GALNT2: variants seen among roughly 807,000 people sequenced by gnomAD.
GALNT2 encodes the protein polypeptide N-acetylgalactosaminyltransferase 2, also known as UDP-GalNAc:polypeptide N-acetylgalactosaminyltransferase 2.
GALNT2 carries 31 observed loss-of-function variants against 81.4 expected under a neutral mutation model. The observed-to-expected ratio is 0.38, with a 90% CI of 0.29 to 0.51. The LOEUF (loss-of-function observed/expected upper bound fraction) is 0.51, where lower values mean the gene tolerates loss of function less well. GALNT2 is among the 20% of genes least tolerant of loss of function. The probability of loss-of-function intolerance (pLI) is 0.87; values close to 1 mark genes in which losing one functional copy is unlikely to be tolerated. For missense variants in GALNT2, 629 were observed against 765.7 expected (o/e 0.82, Z 2.11); for synonymous variants, 303 against 287.4 (o/e 1.05, Z -0.55).
intron 3 of GALNT2, among the ~76,000 whole-genome samples, chr1:230,204,871 C>T (rs561559708): frequency 1.3e-5 from 2 of 152,322 alleles, no homozygotes; most frequent in African/African-American, 4.8e-5. Flanking sequence ...TGGTCCCATT[C>T]CAGCTGCTAG....
At chr1:230,160,011 A>AGGTGCTTCCCTCCTCCCC (rs1294285475) in intron 1 of GALNT2, among the ~76,000 whole-genome samples, 1 of 152,120 alleles carries the variant, frequency 6.6e-6, no homozygotes, top group Non-Finnish European at 1.5e-5. Flanking sequence ...CGCACCACCC[A>AGGTGCTTCCCTCCTCCCC]GGTGCTTCCC....
At chr1:230,124,061 T>C (rs1201014724) in intron 1 of GALNT2, among the ~76,000 whole-genome samples, 1 of 152,232 alleles carries the variant, frequency 6.6e-6, no homozygotes, top group Non-Finnish European at 1.5e-5. Flanking sequence ...TATGACTCCC[T>C]GTCCTTTGGA....
rs1252177179 is a variant in GALNT2 at position 230,227,424 on chromosome 1, C to CTAATACAGCTATATATATATATGCTATA, written c.375-8556_375-8529dup. On this transcript the variant is annotated intron_variant, in intron 3 of 15. Coordinates refer to ENST00000366672, the MANE Select transcript of GALNT2 (RefSeq NM_004481.5). ...AATCCTAAACCAAATACTAGCAAATCTAATACAGCTATATATATATATGCT... is the reference window on the plus strand; with the variant it reads ...AATCCTAAACCAAATACTAGCAAATCTAATACAGCTATATATATATATGCTATATAATACAGCTATATATATATATGCT... Among the ~76,000 whole-genome samples, 111 of 150,008 alleles carry CTAATACAGCTATATATATATATGCTATA rather than the reference C, an allele frequency of 7.4e-4. 1 individual carries two copies. Among genetic ancestry groups the CTAATACAGCTATATATATATATGCTATA allele is most frequent in the African/African-American group, 2.1e-3 (85 of 40,826 alleles).
chr1:230,222,833 T>C (rs2102724028), intron 3 of GALNT2, among the ~76,000 whole-genome samples: 1 of 152,312 alleles, frequency 6.6e-6, no homozygotes, highest in South Asian at 2.1e-4. Flanking sequence ...TTGTTATTGT[T>C]ACTAAGATTT....
At chr1:230,137,408 T>A (rs577662297) in intron 1 of GALNT2, among the ~76,000 whole-genome samples, 1 of 152,298 alleles carries the variant, frequency 6.6e-6, no homozygotes, top group Admixed American at 6.5e-5. Context: ...GAGGTGCCCA[T>A]GGTCAGAGAG....
chr1:230,189,511 C>A (rs193077826), intron 2 of GALNT2, among the ~76,000 whole-genome samples: 3 of 152,266 alleles, frequency 2.0e-5, no homozygotes, highest in African/African-American at 7.2e-5. Context: ...TCCCACCTGC[C>A]GGAAGAAAGA....
chr1:230,065,386 C>G (rs1295104007), upstream of GALNT2, among the ~76,000 whole-genome samples: 1 of 151,976 alleles, frequency 6.6e-6, no homozygotes, highest in Non-Finnish European at 1.5e-5. Flanking sequence ...TAATTTTTGT[C>G]TAGTCTGTCT....
At chr1:230,250,902 G>T (rs1373539220) in intron 10 of GALNT2, among the ~76,000 whole-genome samples, 1 of 152,212 alleles carries the variant, frequency 6.6e-6, no homozygotes, top group African/African-American at 2.4e-5. Context: ...ATGCTGAGTG[G>T]TGGAGAGTGG....
At chr1:230,107,961 G>A (rs921308769) in intron 1 of GALNT2, among the ~76,000 whole-genome samples, 4 of 152,292 alleles carry the variant, frequency 2.6e-5, no homozygotes, top group East Asian at 1.9e-4. Flanking sequence ...ATTTCTGTGC[G>A]GGTGCAGACA....
rs188547018 is a variant in GALNT2 at position 230,059,833 on chromosome 1, C to T, written n.89+1755C>T. Among the ~76,000 whole-genome samples the T allele has an allele frequency of 1.5e-3, 235 of 152,170 alleles. 1 individual carries two copies. The highest frequency in any genetic ancestry group is 5.5e-3 in the African/African-American group (228 of 41,502). Reference sequence around the variant, plus strand: ...TTTCTTGAATCTTTTGAAAGCAGCTCGTGTATGTCATGCCCCCTTAACCCT... The same window carrying T: ...TTTCTTGAATCTTTTGAAAGCAGCTTGTGTATGTCATGCCCCCTTAACCCT... On this transcript the variant is annotated intron_variant and non_coding_transcript_variant, in intron 1 of 6. Transcript: ENST00000494106.
At chr1:230,141,689 A>T (rs542322530) in intron 1 of GALNT2, among the ~76,000 whole-genome samples, 1 of 151,406 alleles carries the variant, frequency 6.6e-6, no homozygotes, top group Non-Finnish European at 1.5e-5. Context: ...CTAGTCACCC[A>T]TTGATGGACA....
intron 1 of GALNT2, among the ~76,000 whole-genome samples, chr1:230,166,776 T>C (rs1662617747): frequency 6.6e-6 from 1 of 152,254 alleles, no homozygotes; most frequent in African/African-American, 2.4e-5. Context: ...AACTGAAGTT[T>C]GAGGTTTCTC....
At chr1:230,069,378 T>G (rs960903263) in intron 1 of GALNT2, among the ~76,000 whole-genome samples, 2 of 152,106 alleles carry the variant, frequency 1.3e-5, no homozygotes, top group African/African-American at 4.8e-5. Flanking sequence ...TAATTACACA[T>G]GGATTGGTGA....
At chr1:230,214,437 C>T (rs945086961) in intron 3 of GALNT2, among the ~76,000 whole-genome samples, 2 of 152,196 alleles carry the variant, frequency 1.3e-5, no homozygotes, top group African/African-American at 4.8e-5. Flanking sequence ...AGAGTCTTTT[C>T]ACTGACTGTG....
At chr1:230,090,033 T>A (rs1306633867) in intron 1 of GALNT2, among the ~76,000 whole-genome samples, 1 of 152,220 alleles carries the variant, frequency 6.6e-6, no homozygotes, top group Non-Finnish European at 1.5e-5. Context: ...GGTTCCAGTT[T>A]CTCCACATCC....
At chr1:230,259,610 G>C (rs1242144710) in intron 11 of GALNT2, 2 of 152,190 alleles carry the variant, frequency 1.3e-5, no homozygotes, top group Non-Finnish European at 2.9e-5. Flanking sequence ...AATCTGGAGG[G>C]AGCTGGGGAC....
At chr1:230,173,552 T>C (rs559410771) in intron 1 of GALNT2, among the ~76,000 whole-genome samples, 1 of 152,338 alleles carries the variant, frequency 6.6e-6, no homozygotes, top group South Asian at 2.1e-4. Context: ...TCACAGGCTT[T>C]GAATTCTCTG....
chr1:230,170,435 G>A (rs1284867398), intron 1 of GALNT2, among the ~76,000 whole-genome samples: 2 of 152,018 alleles, frequency 1.3e-5, no homozygotes, highest in Non-Finnish European at 2.9e-5. Context: ...CTTTCAATGG[G>A]GATTTTTATT....
chr1:230,241,542 G>A (rs937958477), intron 6 of GALNT2, among the ~76,000 whole-genome samples: 1 of 152,078 alleles, frequency 6.6e-6, no homozygotes, highest in Non-Finnish European at 1.5e-5. Flanking sequence ...TGCCTCCTGG[G>A]TTCAAGCAAT....
Sources: allele counts gnomAD v4.1 joint callset (sites outside exome capture counted in the v4.1 genomes callset), GRCh38; gene constraint gnomAD v4.1.1; transcripts MANE v1.5; gene names NCBI Gene and HGNC (gene_info 2026-07-23, HGNC 2026-07-21).